Variants in SGCD observed in about 807,000 individuals in gnomAD.
The protein encoded by SGCD is delta-sarcoglycan.
A neutral mutation model predicts 36.6 loss-of-function variants in SGCD; 18 were observed. The ratio of observed to expected loss-of-function variants is 0.49; its 90% CI spans 0.34 to 0.73. The LOEUF is 0.73. Ranked by LOEUF, SGCD falls within the 30% of genes least tolerant of loss-of-function variation. The pLI is 0.01. For synonymous variants in SGCD, 133 were observed against 130.6 expected (o/e 1.02, Z -0.12); for missense variants, 387 against 346.7 (o/e 1.12, Z -0.92).
chr5:156,232,988 G>A (rs949250435), intron 3 of SGCD, among the ~76,000 whole-genome samples: 10 of 152,172 alleles, frequency 6.6e-5, no homozygotes, highest in African/African-American at 2.4e-4. Context: ...GAGATGAAAA[G>A]CTAGTGGCAG....
chr5:156,541,324 A>G (rs967572609), intron 4 of SGCD, among the ~76,000 whole-genome samples: 5 of 152,172 alleles, frequency 3.3e-5, no homozygotes, highest in Non-Finnish European at 7.4e-5. Flanking sequence ...TACAAAGTTG[A>G]TTGTGGCTGA....
intron 3 of SGCD, among the ~76,000 whole-genome samples, chr5:156,385,232 TTC>T (rs1404294579): frequency 1.3e-5 from 2 of 152,240 alleles, no homozygotes; most frequent in African/African-American, 4.8e-5. Context: ...TAGCTTCATT[TTC>T]TCTTTCTGTA....
intron 3 of SGCD, among the ~76,000 whole-genome samples, chr5:156,381,201 A>G (rs1480205531): frequency 1.3e-5 from 2 of 152,140 alleles, no homozygotes; most frequent in Non-Finnish European, 1.5e-5. Context: ...AAATAAAAGG[A>G]ATGAGGGTTA....
chr5:156,133,806 T>C (rs1762384959), intron 3 of SGCD, among the ~76,000 whole-genome samples: 1 of 152,126 alleles, frequency 6.6e-6, no homozygotes, highest in Non-Finnish European at 1.5e-5. Context: ...TGCAGTCTGT[T>C]TGTTTACTTG....
intron 1 of SGCD, among the ~76,000 whole-genome samples, chr5:156,076,133 T>C (rs977135437): frequency 5.3e-5 from 8 of 152,084 alleles, no homozygotes; most frequent in African/African-American, 1.2e-4. Context: ...TAGGGAGTGA[T>C]GAAAACTCTT....
chr5:156,422,512 A>G (rs1476419023), intron 3 of SGCD, among the ~76,000 whole-genome samples: 6 of 152,076 alleles, frequency 3.9e-5, no homozygotes, highest in Admixed American at 2.0e-4. Flanking sequence ...CTTGAAATGC[A>G]GAAGGATTCA....
chr5:156,622,720 G>A (rs1337601549), intron 6 of SGCD, among the ~76,000 whole-genome samples: 1 of 152,108 alleles, frequency 6.6e-6, no homozygotes, highest in Non-Finnish European at 1.5e-5. Context: ...TGAGCTAATG[G>A]TAATGAACTG....
At chr5:156,172,875 T>A (rs990327583) in intron 3 of SGCD, among the ~76,000 whole-genome samples, 3 of 152,018 alleles carry the variant, frequency 2.0e-5, no homozygotes, top group African/African-American at 7.2e-5. Context: ...TTGATACATA[T>A]TATTGGCAGC....
At chr5:155,946,007 G>A (rs1220928673) in intron 1 of SGCD, among the ~76,000 whole-genome samples, 1 of 152,162 alleles carries the variant, frequency 6.6e-6, no homozygotes, top group Non-Finnish European at 1.5e-5. Flanking sequence ...AGGTAAAATG[G>A]GCAGAGCATT....
intron 1 of SGCD, among the ~76,000 whole-genome samples, chr5:155,972,976 TC>T (rs1448418101): frequency 2.0e-5 from 3 of 152,172 alleles, no homozygotes; most frequent in Non-Finnish European, 4.4e-5. Flanking sequence ...TTAATCTTTT[TC>T]CCCTTATTTT....
chr5:156,133,902 T>A (rs1319650798), intron 3 of SGCD, among the ~76,000 whole-genome samples: 2 of 145,074 alleles, frequency 1.4e-5, no homozygotes, highest in African/African-American at 5.2e-5. Flanking sequence ...TAGGTCTTAT[T>A]TGCCGGGTTA....
intron 6 of SGCD, among the ~76,000 whole-genome samples, chr5:156,643,010 T>A (rs1362198856): frequency 1.4e-5 from 2 of 143,958 alleles, no homozygotes; most frequent in Non-Finnish European, 3.0e-5. Flanking sequence ...ACTAGGTTTT[T>A]TGGGGGGTTT....
intron 7 of SGCD, among the ~76,000 whole-genome samples, chr5:156,670,487 C>T (rs913617177): frequency 2.6e-5 from 4 of 152,190 alleles, no homozygotes; most frequent in African/African-American, 9.7e-5. Context: ...GATGCCCCTG[C>T]TGGGTGTATA....
At chr5:156,716,710 C>T (rs114680992) in intron 7 of SGCD, among the ~76,000 whole-genome samples, 2,096 of 152,248 alleles carry the variant, frequency 0.014, 22 homozygotes, top group Non-Finnish European at 0.022. Flanking sequence ...GCTTTGTTTC[C>T]TTAAAAGGCT....
chr5:156,685,132 T>G (rs969547345), intron 7 of SGCD, among the ~76,000 whole-genome samples: 1 of 152,006 alleles, frequency 6.6e-6, no homozygotes, highest in African/African-American at 2.4e-5. Flanking sequence ...TAAAAACCCC[T>G]TAAAGGAAAG....
At chr5:156,304,308 G>A (rs1019835408) in intron 3 of SGCD, among the ~76,000 whole-genome samples, 6 of 152,126 alleles carry the variant, frequency 3.9e-5, no homozygotes, top group South Asian at 2.1e-4. Flanking sequence ...GGAGGAACCC[G>A]GTGGGAGGTA....
chr5:156,174,996 A>C (rs567356730), intron 3 of SGCD, among the ~76,000 whole-genome samples: 1 of 152,362 alleles, frequency 6.6e-6, no homozygotes, highest in Non-Finnish European at 1.5e-5. Context: ...AAGCAAGAAC[A>C]GTAAACTTAC....
intron 7 of SGCD, among the ~76,000 whole-genome samples, chr5:156,722,197 C>G (rs776890990): frequency 6.6e-6 from 1 of 152,146 alleles, no homozygotes; most frequent in African/African-American, 2.4e-5. Flanking sequence ...CCCCTTGTCT[C>G]TTTTTTATTA....
chr5:156,743,998 C>T (rs1394717637), intron 7 of SGCD, among the ~76,000 whole-genome samples: 1 of 152,132 alleles, frequency 6.6e-6, no homozygotes, highest in Non-Finnish European at 1.5e-5. Context: ...CCCCTGAGTA[C>T]AATGTGTTCA....
Sources: allele counts gnomAD v4.1 joint callset (sites outside exome capture counted in the v4.1 genomes callset), GRCh38; gene constraint gnomAD v4.1.1; transcripts MANE v1.5; gene names NCBI Gene and HGNC (gene_info 2026-07-23, HGNC 2026-07-21).